The following MID1 variants were observed in gnomAD, a reference collection of about 807,000 sequenced individuals.
The protein encoded by MID1 is midline 1.
Under a neutral mutation model 40.4 loss-of-function variants are expected in MID1, and 7 were observed. The observed-to-expected ratio is 0.17, with a 90% confidence interval of 0.10 to 0.33. The LOEUF is 0.33. Ranked by LOEUF, MID1 falls within the 10% of genes least tolerant of loss-of-function variation. The pLI is 1.00. For synonymous variants in MID1, 229 were observed against 221.2 expected (o/e 1.04, Z -0.31); for missense variants, 367 against 558.5 (o/e 0.66, Z 3.46).
intron 1 of MID1, among the ~76,000 whole-genome samples, chrX:10,609,038 T>C (rs142371903): frequency 8.9e-6 from 1 of 112,131 alleles, no homozygotes; most frequent in Non-Finnish European, 1.9e-5. Context: ...GTCCATTTAA[T>C]ACTATTTGGT....
At chrX:10,579,992 G>A (rs1934968035) in intron 1 of MID1, among the ~76,000 whole-genome samples, 1 of 110,257 alleles carries the variant, frequency 9.1e-6, no homozygotes, top group Admixed American at 9.7e-5. Flanking sequence ...GAGCCTTCTC[G>A]GAGAAATTCA....
chrX:10,471,182 C>G (rs1929688329), intron 6 of MID1, among the ~76,000 whole-genome samples: 2 of 112,217 alleles, frequency 1.8e-5, no homozygotes, highest in Admixed American at 9.4e-5. Flanking sequence ...TACCTGCACT[C>G]TACAAACTAG....
downstream of MID1, chrX:10,445,352 C>T (rs1927989657): frequency 1.8e-5 from 2 of 111,971 alleles, no homozygotes; most frequent in Admixed American, 1.9e-4. Flanking sequence ...TAAAAATTCC[C>T]TGGAGAATAT....
chrX:10,610,274 T>C (rs1382040249), intron 1 of MID1, among the ~76,000 whole-genome samples: 1 of 112,293 alleles, frequency 8.9e-6, no homozygotes, highest in Non-Finnish European at 1.9e-5. Flanking sequence ...AAACTGCATT[T>C]GCCCTTTGGC....
intron 1 of MID1, among the ~76,000 whole-genome samples, chrX:10,789,627 GTAAGTTCAC>G (rs1032201818): frequency 8.9e-6 from 1 of 112,319 alleles, no homozygotes; most frequent in East Asian, 2.8e-4. Context: ...CTAGGTTTGT[GTAAGTTCAC>G]TCTATGTTCG....
At chrX:10,632,074 G>T (rs1002471928) in intron 1 of MID1, among the ~76,000 whole-genome samples, 1 of 111,469 alleles carries the variant, frequency 9.0e-6, no homozygotes, top group African/African-American at 3.3e-5. Flanking sequence ...TTTCAATTAC[G>T]CTTGCATTGT....
intron 1 of MID1, among the ~76,000 whole-genome samples, chrX:10,825,377 T>C (rs1179736454): frequency 8.9e-6 from 1 of 112,029 alleles, no homozygotes; most frequent in East Asian, 2.8e-4. Context: ...TGGGAGAATA[T>C]TTGGAAGCCA....
intron 5 of MID1, among the ~76,000 whole-genome samples, chrX:10,476,444 G>A (rs1273533152): frequency 9.0e-6 from 1 of 110,699 alleles, no homozygotes; most frequent in Non-Finnish European, 1.9e-5. Flanking sequence ...AAAGTGCTGG[G>A]ATTACAGGTA....
chrX:10,731,288 G>A (rs1877149813), intron 1 of MID1, among the ~76,000 whole-genome samples: 1 of 111,700 alleles, frequency 9.0e-6, no homozygotes, highest in African/African-American at 3.3e-5. Context: ...GTGTCAGACT[G>A]GATAAAAAGC....
upstream of MID1, among the ~76,000 whole-genome samples, chrX:10,625,365 T>C (rs183994945): frequency 5.1e-4 from 57 of 112,649 alleles, no homozygotes; most frequent in African/African-American, 1.7e-3. Flanking sequence ...GGCAACACCT[T>C]GATTAACATT....
chrX:10,469,873 A>G, intron 6 of MID1, 33 bp from the exon 7 acceptor site: 1 of 1,178,684 alleles, frequency 8.5e-7, no homozygotes, highest in Non-Finnish European at 1.2e-6. Context: ...TCAGTGGAAA[A>G]GCACACACAA....
chrX:10,454,083 G>A (rs1029311029), intron 9 of MID1, among the ~76,000 whole-genome samples: 1 of 112,541 alleles, frequency 8.9e-6, no homozygotes, highest in Non-Finnish European at 1.9e-5. Context: ...AGTTGTGGCT[G>A]TGGATTAGGC....
chrX:10,757,149 T>C (rs1050430055), intron 1 of MID1, among the ~76,000 whole-genome samples: 2 of 111,952 alleles, frequency 1.8e-5, no homozygotes, highest in African/African-American at 6.5e-5. Context: ...CCTGACTCAG[T>C]AAATCTGGGT....
chrX:10,523,266 C>T, intron 2 of MID1, 79 bp from the exon 3 acceptor site: 1 of 713,649 alleles, frequency 1.4e-6, no homozygotes, highest in Non-Finnish European at 2.1e-6. Flanking sequence ...ATTACTCATT[C>T]TCAGGAAAAA....
chrX:10,823,817 G>A (rs1361210593), intron 1 of MID1, among the ~76,000 whole-genome samples: 2 of 111,159 alleles, frequency 1.8e-5, no homozygotes, highest in African/African-American at 6.5e-5. Context: ...TCTTGGAAGC[G>A]ACAATACAGA....
intron 4 of MID1, among the ~76,000 whole-genome samples, chrX:10,495,107 A>T (rs1451415430): frequency 1.8e-5 from 2 of 111,977 alleles, no homozygotes; most frequent in South Asian, 3.7e-4. Flanking sequence ...GTGAAACCCC[A>T]GGGGTTTTGG....
chrX:10,548,349 C>A (rs1054071822), intron 2 of MID1, among the ~76,000 whole-genome samples: 3 of 111,420 alleles, frequency 2.7e-5, no homozygotes, highest in Non-Finnish European at 5.6e-5. Flanking sequence ...CTTTCAATAA[C>A]TTCAGTTCAA....
chrX:10,820,982 T>C (rs2044170717), intron 1 of MID1, among the ~76,000 whole-genome samples: 1 of 111,924 alleles, frequency 8.9e-6, no homozygotes, highest in Non-Finnish European at 1.9e-5. Context: ...ACAGTAAAAA[T>C]AAATGAGCAA....
At chrX:10,807,250 A>G (rs754935859) in intron 1 of MID1, among the ~76,000 whole-genome samples, 2 of 111,662 alleles carry the variant, frequency 1.8e-5, no homozygotes, top group Non-Finnish European at 3.8e-5. Flanking sequence ...GTTTCAAAAA[A>G]AAAAAATTAG....
Sources: gnomAD v4.1 joint callset for allele counts (sites outside exome capture counted in the v4.1 genomes callset) on GRCh38, gnomAD v4.1.1 for gene constraint, MANE v1.5 for transcripts, NCBI Gene and HGNC (gene_info 2026-07-23, HGNC 2026-07-21) for gene names.